Variants in ZNF419 observed in about 807,000 individuals in gnomAD.
The protein encoded by ZNF419 is zinc finger protein 419.
In ZNF419, 8 loss-of-function variants were observed where a neutral mutation model predicts 14.9. The observed-to-expected ratio is 0.54, with a 90% confidence interval of 0.32 to 0.97. The LOEUF (loss-of-function observed/expected upper bound fraction) is 0.97. ZNF419 is among the 50% of genes least tolerant of loss of function. The pLI, the probability that ZNF419 is intolerant of heterozygous loss-of-function variation, is 0.04. For synonymous variants in ZNF419, 211 were observed against 205.3 expected, an observed-to-expected ratio of 1.03 and a Z score of -0.24; for missense variants, 595 against 607.2, an observed-to-expected ratio of 0.98 and a Z score of 0.21.
At position 57,491,224 on chromosome 19, in the gene ZNF419, G is replaced by C. The variant is rs2089473629; in HGVS notation, c.73-247G>C. The stretch of plus-strand genomic sequence containing the variant: ...CAGTCTAGGGGATCCAAGGTAAATT[G>C]TCTGGCAAGAGAAGAGTAGGACTCT... On this transcript the variant is annotated intron_variant, in intron 2 of 4. Coordinates refer to ENST00000221735, the MANE Select transcript of ZNF419 (RefSeq NM_024691.4). The C allele has an allele frequency of 5.4e-6, 3 of 560,246 alleles. No individual in the cohort carries two copies. In the South Asian group the frequency reaches 6.8e-5, roughly 13 times the overall value. The allele number at this position is 560,246 out of a possible 1,614,324, so 34.7% of individuals were successfully genotyped here. A position where few individuals can be genotyped will look rare whatever the true frequency, so the allele number is the denominator to read the frequency against.
At chr19:57,491,417 TA>T in intron 2 of ZNF419, 53 bp from the exon 3 acceptor site, 1 of 1,605,684 alleles carries the variant, frequency 6.2e-7, no homozygotes, top group Non-Finnish European at 8.5e-7. Context: ...GGCAGATGCC[TA>T]AATTTCCCAG....
intron 1 of ZNF419, chr19:57,489,121 G>A (rs2089424871): frequency 6.6e-6 from 1 of 152,324 alleles, no homozygotes. Context: ...AGCACAGGAG[G>A]GATGATCAAC....
At position 57,490,981 on chromosome 19, in the gene ZNF419, G is replaced by T. The variant is rs375407436; in HGVS notation, c.73-490G>T. Reference sequence around the variant, plus strand: ...TCAGTGCCATTGGGGGTCTGGGATGGCACGGAGTTCTGATTGCATTTGGTA... The same window carrying T: ...TCAGTGCCATTGGGGGTCTGGGATGTCACGGAGTTCTGATTGCATTTGGTA... On this transcript the variant is annotated intron_variant, in intron 2 of 4. Transcript: ENST00000221735. 197 of 165,090 alleles carry T rather than the reference G, an allele frequency of 1.2e-3. 1 individual carries two copies. The highest frequency in any genetic ancestry group is 4.5e-3 in the African/African-American group (188 of 41,798). 10.2% of individuals were successfully genotyped at this position (165,090 alleles called of 1,614,324 possible).
Position 57,487,845 on chromosome 19 carries a change from G to T in ZNF419, c.-106G>T. 1 of 1,554,950 alleles carries T rather than the reference G, an allele frequency of 6.4e-7. No individual in the cohort carries two copies. Among genetic ancestry groups the T allele is most frequent in the South Asian group, 1.1e-5 (1 of 89,570 alleles). ...GGAAGGCACGGTGGCGACTCACGCT[G>T]TTCTCGCCGCTCAGAGGCGGGTCTG... is the stretch of plus-strand genomic sequence containing the variant. On this transcript the variant is annotated 5_prime_UTR_variant, in exon 1 of 5. Transcript: ENST00000221735.
intron 3 of ZNF419, 114 bp downstream of exon 3, chr19:57,491,711 C>T: frequency 7.1e-7 from 1 of 1,408,654 alleles, no homozygotes; most frequent in Non-Finnish European, 9.9e-7. Context: ...ATTCCTTCTC[C>T]AGTATCCTGA....
rs370135825 is a variant in ZNF419, at chr19:57,494,034, C to T, written c.1477C>T (p.Arg493Cys). 1.9e-5 allele frequency: 31 copies of T among 1,612,434 alleles called. No homozygotes were observed. The highest frequency in any genetic ancestry group is 5.5e-5 in the South Asian group (5 of 90,658). The change falls in exon 5 of 5, where the codon CGC becomes TGC. Residue 493 changes from arginine to cysteine, a missense_variant. By Grantham distance (180) the Arg-to-Cys change is radical. Transcript: ENST00000221735. ...YECRECGKFF[R>C]HNSSLFKHRR... is the part of the protein sequence containing the mutation. ...GTGCAGGGAATGTGGGAAGTTTTTT[C>T]GCCACAACTCCAGTCTTTTTAAACA...
chr19:57,493,221 C>T lies in ZNF419; in HGVS notation c.664C>T (p.Gln222Ter). ...TCAGAAATATTTACTTGTTCAGCAC[C>T]AGAGACTACATGCTGGGAAAAAGAC... ...FGQKYLLVQH[Q>*]RLHAGKKTYE... Residue 222 changes from glutamine (Q) to a stop codon, truncating the protein, a stop_gained, in exon 5 of 5, where the codon CAG becomes TAG. Coordinates refer to ENST00000221735, the MANE Select transcript of ZNF419 (RefSeq NM_024691.4). LOFTEE classifies it low-confidence loss of function (END_TRUNC). 6.2e-7 allele frequency: 1 copy of T among 1,614,168 alleles called. No individual in the cohort carries two copies.
Position 57,487,819 on chromosome 19 carries a change from CG to C in ZNF419, c.-130del, listed in dbSNP as rs1384479914. On this transcript the variant is annotated 5_prime_UTR_variant, in exon 1 of 5. Coordinates refer to ENST00000221735, the MANE Select transcript of ZNF419 (RefSeq NM_024691.4). Reference sequence around the variant, plus strand: ...GGTTGTGCGCTGAGGCGACCAGCGCCGGAAGGCACGGTGGCGACTCACGCTG... The same window carrying C: ...GGTTGTGCGCTGAGGCGACCAGCGCCGAAGGCACGGTGGCGACTCACGCTG... 22 of 1,358,332 alleles carry C rather than the reference CG, an allele frequency of 1.6e-5. No individual in the cohort carries two copies. The African/African-American group carries it at 2.7e-4, about 17-fold the overall frequency. 84.1% of individuals were successfully genotyped at this position (1,358,332 alleles called of 1,614,324 possible). A position where few individuals can be genotyped will look rare whatever the true frequency, so the allele number is the denominator to read the frequency against.
Position 57,494,321 on chromosome 19 carries a change from A to G in ZNF419, c.*231A>G. 1.7e-6 allele frequency: 1 copy of G among 601,124 alleles called. No homozygotes were observed. The highest frequency in any genetic ancestry group is 2.7e-6 in the Non-Finnish European group (1 of 365,740). The allele number at this position is 601,124 out of a possible 1,614,324, so 37.2% of individuals were successfully genotyped here. The stretch of plus-strand genomic sequence containing the variant: ...TACACTGGAGAAAGGCCTTAGGGTG[A>G]CAGGTTATGTACTGTCTCTGAATCA... On this transcript the variant is annotated 3_prime_UTR_variant, in exon 5 of 5. Transcript: ENST00000221735.
rs1215465197 is a variant in ZNF419, at chr19:57,488,254, C to T, written c.33+271C>T. The T allele has an allele frequency of 1.4e-4, 76 of 528,420 alleles. 1 individual carries two copies. The highest frequency in any genetic ancestry group is 1.0e-5 in the Non-Finnish European group (3 of 297,958). The allele number at this position is 528,420 out of a possible 1,614,324, so 32.7% of individuals were successfully genotyped here. A position where few individuals can be genotyped will look rare whatever the true frequency, so the allele number is the denominator to read the frequency against. ...TGTCGAGCGACAGCCCGAGCAGCTG[C>T]GCTTTCATCCTGAGGGGGCCACAGT... On this transcript the variant is annotated intron_variant, in intron 1 of 4. Coordinates refer to ENST00000221735, the MANE Select transcript of ZNF419 (RefSeq NM_024691.4).
rs2089605335 is a variant in ZNF419, at chr19:57,495,958, T to C, written c.*1868T>C. On this transcript the variant is annotated 3_prime_UTR_variant, in exon 5 of 5. Coordinates refer to ENST00000221735, the MANE Select transcript of ZNF419 (RefSeq NM_024691.4). The stretch of plus-strand genomic sequence containing the variant: ...TTTGAGCACATTTAATACCCAGTTA[T>C]TGGTTTATATCATTTTTTAATAAAA... The C allele has an allele frequency of 1.3e-5, 2 of 152,144 alleles. No individual in the cohort carries two copies. The highest frequency in any genetic ancestry group is 1.3e-4 in the Admixed American group (2 of 15,280). 9.4% of individuals were successfully genotyped at this position (152,144 alleles called of 1,614,324 possible). A position where few individuals can be genotyped will look rare whatever the true frequency, so the allele number is the denominator to read the frequency against.
rs1283546285 is a variant in ZNF419, at chr19:57,494,030, TTTTCGCC to T, written c.1474_1480del (p.Phe492ThrfsTer93). ...ATGAGTGCAGGGAATGTGGGAAGTT[TTTTCGCC>T]ACAACTCCAGTCTTTTTAAACATCG... is the stretch of plus-strand genomic sequence containing the variant. On this transcript the variant is annotated frameshift_variant, in exon 5 of 5. Transcript: ENST00000221735. LOFTEE classifies it low-confidence loss of function (END_TRUNC). 1 of 1,612,994 alleles carries T rather than the reference TTTTCGCC, an allele frequency of 6.2e-7. No homozygotes were observed. Among genetic ancestry groups the T allele is most frequent in the Admixed American group, 1.7e-5 (1 of 59,766 alleles).
intron 1 of ZNF419, chr19:57,489,484 C>CTTTTTTTTTTTTTTTT (rs10602834): frequency 2.3e-5 from 2 of 85,428 alleles, no homozygotes; most frequent in East Asian, 3.2e-4. Flanking sequence ...TTCTTTCTTT[C>CTTTTTTTTTTTTTTTT]TTTTTTTTTT....
At position 57,495,803 on chromosome 19, in the gene ZNF419, A is replaced by G. The variant is rs1568574953; in HGVS notation, c.*1713A>G. ...TGAGTATGCTACTGTAATCTTATGA[A>G]TCTTTTTAAATATCCAACTTCTGAA... On this transcript the variant is annotated 3_prime_UTR_variant, in exon 5 of 5. Coordinates refer to ENST00000221735, the MANE Select transcript of ZNF419 (RefSeq NM_024691.4). The G allele has an allele frequency of 6.8e-6, 1 of 147,796 alleles. No individual in the cohort carries two copies. Among genetic ancestry groups the G allele is most frequent in the Non-Finnish European group, 1.5e-5 (1 of 67,162 alleles). 9.2% of individuals were successfully genotyped at this position (147,796 alleles called of 1,614,324 possible).
Position 57,492,140 on chromosome 19 carries a change from TA to T in ZNF419, c.229del (p.Thr77ProfsTer17). The T allele has an allele frequency of 6.2e-7, 1 of 1,610,408 alleles. No individual in the cohort carries two copies. The highest frequency in any genetic ancestry group is 8.5e-7 in the Non-Finnish European group (1 of 1,177,992). ...LGLASSKTHE[I>X]TQLESWEEPF... ...CTTGCATCTTCCAAGACCCATGAAA[TA>T]ACCCAGCTGGAGTCATGGGAGGAGC... is the stretch of plus-strand genomic sequence containing the variant. On this transcript the variant is annotated frameshift_variant, in exon 4 of 5. Transcript: ENST00000221735. LOFTEE classifies it high-confidence loss of function.
intron 4 of ZNF419, chr19:57,492,535 C>T: frequency 2.6e-6 from 2 of 757,256 alleles, no homozygotes; most frequent in Non-Finnish European, 4.8e-6. Context: ...TGGACATAAC[C>T]TTCTGTGCCG....
Position 57,493,656 on chromosome 19 carries a change from G to A in ZNF419, c.1099G>A (p.Gly367Arg), listed in dbSNP as rs1199664889. The change falls in exon 5 of 5, where the codon GGA becomes AGA. Residue 367 changes from glycine to arginine, a missense_variant. Transcript: ENST00000221735. ...TATCAAACATTGGCGTGTTCATACT[G>A]GAGAAAGGCCTTACAAGTGCAGCGA... The part of the protein sequence containing the change: ...NLIKHWRVHT[G>R]ERPYKCSDCG... 1.9e-6 allele frequency: 3 copies of A among 1,613,984 alleles called. No individual in the cohort carries two copies. Among genetic ancestry groups the A allele is most frequent in the East Asian group, 2.2e-5 (1 of 44,898 alleles).
intron 3 of ZNF419, chr19:57,491,852 G>A: frequency 2.9e-6 from 2 of 678,746 alleles, no homozygotes; most frequent in Non-Finnish European, 2.6e-6. Context: ...ATCCCTGGTG[G>A]CCTCTCTGTG....
At position 57,488,169 on chromosome 19, in the gene ZNF419, G is replaced by C; in HGVS notation, c.33+186G>C. On this transcript the variant is annotated intron_variant, in intron 1 of 4. Coordinates refer to ENST00000221735, the MANE Select transcript of ZNF419 (RefSeq NM_024691.4). ...CAAAGATGTGAGGCGCATTCAGCGA[G>C]TCCCGAACCTGAGGCCTCCTGGTGT... is the stretch of plus-strand genomic sequence containing the variant. 15 of 890,010 alleles carry C rather than the reference G, an allele frequency of 1.7e-5. No homozygotes were observed. In the South Asian group the frequency reaches 2.6e-4, roughly 15 times the overall value. The allele number at this position is 890,010 out of a possible 1,614,324, so 55.1% of individuals were successfully genotyped here. A position where few individuals can be genotyped will look rare whatever the true frequency, so the allele number is the denominator to read the frequency against.
Sources: allele counts gnomAD v4.1 joint callset, GRCh38; gene constraint gnomAD v4.1.1; transcripts MANE v1.5; gene names NCBI Gene and HGNC (gene_info 2026-07-23, HGNC 2026-07-21).